The following NEBL variants were observed in gnomAD, a reference collection of about 807,000 sequenced individuals.
NEBL encodes the protein nebulette, also known as LIM and SH3 protein 2.
In NEBL, 122 loss-of-function variants were observed where a neutral mutation model predicts 140.2. The observed-to-expected ratio is 0.87, with a 90% CI of 0.75 to 1.01. The LOEUF (loss-of-function observed/expected upper bound fraction) is 1.01. Among genes scored for constraint, NEBL ranks in the 50% least tolerant of loss-of-function variants. The pLI, the probability that NEBL is intolerant of heterozygous loss-of-function variation, is 0.00. For synonymous variants in NEBL, 436 were observed against 398.9 expected (o/e 1.09, Z -1.11); for missense variants, 1,365 against 1,231.3 (o/e 1.11, Z -1.62).
chr10:21,270,387 G>A (rs1842848011), intron 1 of NEBL, among the ~76,000 whole-genome samples: 1 of 145,058 alleles, frequency 6.9e-6, no homozygotes, highest in Admixed American at 6.9e-5. Flanking sequence ...TTTTTTTTGA[G>A]ACAGAGTCTC....
At chr10:21,279,773 AG>A (rs1197516561) in intron 1 of NEBL, among the ~76,000 whole-genome samples, 1 of 144,474 alleles carries the variant, frequency 6.9e-6, no homozygotes, top group Admixed American at 7.0e-5. Flanking sequence ...AAAAAAAAAA[AG>A]TAAAAACCAT....
chr10:21,196,326 T>TTTAC (rs1841649893), intron 3 of NEBL, among the ~76,000 whole-genome samples: 1 of 148,122 alleles, frequency 6.8e-6, no homozygotes, highest in African/African-American at 2.5e-5. Flanking sequence ...TATTTATTTA[T>TTTAC]TTATTTATTT....
intron 5 of NEBL, among the ~76,000 whole-genome samples, chr10:20,874,095 A>G (rs1186005472): frequency 1.3e-5 from 2 of 152,216 alleles, no homozygotes. Context: ...AACACCTAGA[A>G]TTATTACCTT....
intron 3 of NEBL, among the ~76,000 whole-genome samples, chr10:21,242,051 A>T (rs1842446718): frequency 6.6e-6 from 1 of 152,034 alleles, no homozygotes; most frequent in African/African-American, 2.4e-5. Flanking sequence ...AAAATATAAA[A>T]ATTAGCTGGG....
At chr10:21,117,477 TC>T (rs1015446428) in intron 2 of NEBL, among the ~76,000 whole-genome samples, 1 of 152,110 alleles carries the variant, frequency 6.6e-6, no homozygotes, top group Non-Finnish European at 1.5e-5. Flanking sequence ...TTAGGGTAAT[TC>T]CTGGGCTCTG....
chr10:20,859,861 C>A, intron 7 of NEBL, 35 bp from the exon 8 acceptor site: 1 of 992,268 alleles, frequency 1.0e-6, no homozygotes, highest in Non-Finnish European at 1.6e-6. Context: ...TGTAACTTTA[C>A]ATTTAAAAGT....
At chr10:21,161,199 TTTG>T (rs1840546616) in intron 2 of NEBL, among the ~76,000 whole-genome samples, 1 of 152,152 alleles carries the variant, frequency 6.6e-6, no homozygotes, top group African/African-American at 2.4e-5. Flanking sequence ...ATTTTTATTT[TTTG>T]TTATTTTTTA....
chr10:20,862,291 A>C lies in NEBL; in HGVS notation c.685-2465T>G, dbSNP rs532380644. Among the ~76,000 whole-genome samples the C allele has an allele frequency of 6.6e-5, 10 of 152,346 alleles. No individual in the cohort carries two copies. In the South Asian group the frequency reaches 1.9e-3, roughly 28 times the overall value. On this transcript the variant is annotated intron_variant, in intron 7 of 27. Coordinates refer to ENST00000377122, the MANE Select transcript of NEBL (RefSeq NM_006393.3). ...TTTATCTTGTTTGAACGTTCAGTAC[A>C]GTGAGTGATTTGATTCAAGATGCCT...
At chr10:21,256,270 G>C (rs545754032) in intron 1 of NEBL, among the ~76,000 whole-genome samples, 9 of 152,012 alleles carry the variant, frequency 5.9e-5, no homozygotes, top group East Asian at 2.0e-4. Context: ...GTGTCACCTT[G>C]TTGGCCAGGC....
rs577650033 is a variant in NEBL at position 21,005,163 on chromosome 10, G to T, written c.249+14954C>A. Among the ~76,000 whole-genome samples the T allele has an allele frequency of 5.3e-5, 8 of 152,270 alleles. No homozygotes were observed. The East Asian group carries it at 1.5e-3, about 29-fold the overall frequency. ...TGCAGCTGTTAACAGTCCCTGACTT[G>T]TGCAGACACACACACACACTCACAC... is the stretch of plus-strand genomic sequence containing the variant. On this transcript the variant is annotated intron_variant, in intron 3 of 6. Coordinates refer to the NEBL transcript ENST00000417816.
chr10:21,058,021 T>A (rs1279917941), intron 2 of NEBL, among the ~76,000 whole-genome samples: 1 of 152,226 alleles, frequency 6.6e-6, no homozygotes, highest in Non-Finnish European at 1.5e-5. Flanking sequence ...ATACATCACT[T>A]TGAAAACAGG....
chr10:20,965,008 T>C (rs1479351224), intron 3 of NEBL, among the ~76,000 whole-genome samples: 1 of 152,252 alleles, frequency 6.6e-6, no homozygotes, highest in Non-Finnish European at 1.5e-5. Flanking sequence ...AATTTCTCAT[T>C]GACTTCTATG....
chr10:20,967,885 A>G (rs1289941849), intron 3 of NEBL, among the ~76,000 whole-genome samples: 1 of 152,222 alleles, frequency 6.6e-6, no homozygotes, highest in Non-Finnish European at 1.5e-5. Context: ...ATATTTTCAA[A>G]GAAAGCAGGG....
chr10:20,974,244 T>G (rs1836697564), intron 3 of NEBL, among the ~76,000 whole-genome samples: 1 of 149,686 alleles, frequency 6.7e-6, no homozygotes, highest in African/African-American at 2.5e-5. Flanking sequence ...CATCGCTTAG[T>G]TTTTTTTCTT....
At chr10:21,160,135 A>G (rs1036010217) in intron 2 of NEBL, among the ~76,000 whole-genome samples, 7 of 152,204 alleles carry the variant, frequency 4.6e-5, no homozygotes, top group African/African-American at 1.7e-4. Flanking sequence ...GTTCTTTTAC[A>G]GTCAATCAAC....
chr10:21,077,150 G>T (rs1404257634), intron 2 of NEBL, among the ~76,000 whole-genome samples: 3 of 152,096 alleles, frequency 2.0e-5, no homozygotes, highest in South Asian at 2.1e-4. Context: ...CAAAATTAAG[G>T]TAAGTTATTG....
At chr10:21,207,709 A>G (rs920144849) in intron 3 of NEBL, among the ~76,000 whole-genome samples, 4 of 152,080 alleles carry the variant, frequency 2.6e-5, no homozygotes, top group African/African-American at 9.7e-5. Flanking sequence ...CCCTCCTTAC[A>G]GACTGGTTGC....
At chr10:21,076,612 C>T (rs975445255) in intron 2 of NEBL, among the ~76,000 whole-genome samples, 1 of 152,024 alleles carries the variant, frequency 6.6e-6, no homozygotes, top group African/African-American at 2.4e-5. Flanking sequence ...AAGCAACCCA[C>T]GTGTCCATCA....
intron 4 of NEBL, among the ~76,000 whole-genome samples, chr10:20,926,093 G>A (rs1052204518): frequency 3.9e-5 from 6 of 152,086 alleles, no homozygotes; most frequent in Non-Finnish European, 8.8e-5. Flanking sequence ...AATCTTATAG[G>A]CCATATAAAA....
Sources: allele counts gnomAD v4.1 joint callset (sites outside exome capture counted in the v4.1 genomes callset), GRCh38; gene constraint gnomAD v4.1.1; transcripts MANE v1.5; gene names NCBI Gene and HGNC (gene_info 2026-07-23, HGNC 2026-07-21).